Variants in ZNF329 observed in about 807,000 individuals in gnomAD.
ZNF329 encodes the protein zinc finger protein 329.
ZNF329 carries 15 observed loss-of-function variants against 26.6 expected under a neutral mutation model. The observed-to-expected ratio is 0.56, with a 90% CI of 0.38 to 0.87. ZNF329 has a LOEUF of 0.87. ZNF329 is among the 40% of genes least tolerant of loss of function. The pLI is 0.00. For synonymous variants in ZNF329, 239 were observed against 233.5 expected, an observed-to-expected ratio of 1.02 and a Z score of -0.21; for missense variants, 651 against 651.9, an observed-to-expected ratio of 1.00 and a Z score of 0.02.
Position 58,128,744 on chromosome 19 carries a change from T to C in ZNF329, c.760A>G (p.Thr254Ala). 6.2e-7 allele frequency: 1 copy of C among 1,606,228 alleles called. No homozygotes were observed. The highest frequency in any genetic ancestry group is 8.5e-7 in the Non-Finnish European group (1 of 1,176,414). The stretch of plus-strand genomic sequence containing the variant: ...CTGCATTCATAGGGCTTCTCTCCTG[T>C]GTGGATTCTTTGATGCACAATCAGG... ...YNLIVHQRIH[T>A]GEKPYECSKC... The change falls in exon 4 of 4, where the codon ACA (threonine) becomes GCA (alanine). Residue 254 changes from threonine to alanine, a missense_variant. Physicochemically the swap from Thr to Ala is moderately conservative, Grantham distance 58. Coordinates refer to ENST00000598312, the MANE Select transcript of ZNF329 (RefSeq NM_024620.4).
At chr19:58,147,123 C>T (rs1166588308) in intron 1 of ZNF329, among the ~76,000 whole-genome samples, 3 of 150,652 alleles carry the variant, frequency 2.0e-5, no homozygotes, top group Admixed American at 6.6e-5. Flanking sequence ...TCTGCCCGGC[C>T]GCCCATCGTC....
rs1290565176 is a variant in ZNF329, at chr19:58,142,601, T to C, written c.-53A>G. On this transcript the variant is annotated 5_prime_UTR_variant, in exon 3 of 4. Coordinates refer to ENST00000598312, the MANE Select transcript of ZNF329 (RefSeq NM_024620.4). ...CCATTCAGGCCAGGTGTGTGGATAC[T>C]TGACATCGATGGTTGCTGGACATTA... is the stretch of plus-strand genomic sequence containing the variant. 2.6e-5 allele frequency: 4 copies of C among 152,664 alleles called. No individual in the cohort carries two copies. Among genetic ancestry groups the C allele is most frequent in the Admixed American group, 1.3e-4 (2 of 15,272 alleles). 9.5% of individuals were successfully genotyped at this position (152,664 alleles called of 1,614,324 possible).
rs2074841005 is a variant in ZNF329, at chr19:58,128,028, G to T, written c.1476C>A (p.Phe492Leu). 14 of 1,614,008 alleles carry T rather than the reference G, an allele frequency of 8.7e-6. No homozygotes were observed. Among genetic ancestry groups the T allele is most frequent in the South Asian group, 4.4e-5 (4 of 91,078 alleles). Residue 492 changes from phenylalanine to leucine, a missense_variant, in exon 4 of 4, where the codon TTC becomes TTA. Physicochemically the swap from Phe to Leu is conservative, Grantham distance 22. Transcript: ENST00000598312. ...GTACTGCCAGGTGAGAGTTCTGCTT[G>T]AAGGACTTCCCACATTCTGGACACT... ...PYQCPECGKS[F>L]KQNSHLAVHQ...
chr19:58,143,816 C>T (rs953667977), intron 1 of ZNF329, among the ~76,000 whole-genome samples: 5 of 152,052 alleles, frequency 3.3e-5, no homozygotes, highest in South Asian at 2.1e-4. Flanking sequence ...CGCAGTGGCT[C>T]ACACTTATAA....
intron 1 of ZNF329, among the ~76,000 whole-genome samples, chr19:58,148,592 C>T (rs2075379968): frequency 1.3e-5 from 2 of 151,934 alleles, no homozygotes; most frequent in Admixed American, 1.3e-4. Flanking sequence ...GTGGCTCACA[C>T]CTGTAATCCC....
rs1371562923 is a variant in ZNF329, at chr19:58,129,255, C to G, written c.249G>C (p.Gln83His). 1.2e-6 allele frequency: 2 copies of G among 1,614,216 alleles called. No individual in the cohort carries two copies. The highest frequency in any genetic ancestry group is 1.7e-6 in the Non-Finnish European group (2 of 1,180,050). ...GGAAACCATTTGTTGCCAGAACTCT[C>G]TGAGACGGTGGAAGGTCTGAGCTTG... is the stretch of plus-strand genomic sequence containing the variant. The part of the protein sequence containing the change: ...LIASSDLPPS[Q>H]RVLATNGFHA... Residue 83 changes from glutamine to histidine, a missense_variant, in exon 4 of 4, where the codon CAG becomes CAC. Coordinates refer to ENST00000598312, the MANE Select transcript of ZNF329 (RefSeq NM_024620.4).
chr19:58,154,646 C>G (rs1349411215), upstream of ZNF329: 1 of 152,200 alleles, frequency 6.6e-6, no homozygotes, highest in Non-Finnish European at 1.5e-5. Context: ...TCCTTTTTTT[C>G]CTTCTGAGCT....
chr19:58,128,546 A>G lies in ZNF329; in HGVS notation c.958T>C (p.Cys320Arg). 1 of 1,614,136 alleles carries G rather than the reference A, an allele frequency of 6.2e-7. No homozygotes were observed. Among genetic ancestry groups the G allele is most frequent in the Non-Finnish European group, 8.5e-7 (1 of 1,180,008 alleles). ...TGEKPYRCNE[C>R]GKPFTDISHL... ...GAGATGTCAGTGAAGGGTTTCCCAC[A>G]TTCGTTACATCTATATGGTTTTTCC... Residue 320 changes from cysteine to arginine, a missense_variant, in exon 4 of 4, where the codon TGT becomes CGT. Coordinates refer to ENST00000598312, the MANE Select transcript of ZNF329 (RefSeq NM_024620.4).
intron 1 of ZNF329, among the ~76,000 whole-genome samples, chr19:58,147,934 C>T (rs533743919): frequency 6.6e-5 from 10 of 151,902 alleles, no homozygotes; most frequent in South Asian, 2.1e-4. Context: ...ATGACAATGG[C>T]GGTTTTGTGG....
chr19:58,146,254 A>G (rs2146123120), intron 1 of ZNF329, among the ~76,000 whole-genome samples: 1 of 152,200 alleles, frequency 6.6e-6, no homozygotes, highest in South Asian at 2.1e-4. Context: ...TGGGCAGATC[A>G]CTTGAAGTCA....
chr19:58,139,119 C>T (rs931987369), intron 3 of ZNF329, among the ~76,000 whole-genome samples: 7 of 151,924 alleles, frequency 4.6e-5, no homozygotes, highest in African/African-American at 1.5e-4. Flanking sequence ...GCTGTGATTA[C>T]GTCTCTCTTG....
In ZNF329 at chr19:58,127,782, A is replaced by G. The variant is rs1158129747; in HGVS notation, c.*96T>C. ...ATCAATTCACTGGATAGCTTAAAGG[A>G]TTCTTTTCTACTGACCAGAGAGGAG... is the stretch of plus-strand genomic sequence containing the variant. On this transcript the variant is annotated 3_prime_UTR_variant, in exon 4 of 4. Transcript: ENST00000598312. 10 of 1,210,658 alleles carry G rather than the reference A, an allele frequency of 8.3e-6. No individual in the cohort carries two copies. The African/African-American group carries it at 1.4e-4, about 17-fold the overall frequency. 75.0% of individuals were successfully genotyped at this position (1,210,658 alleles called of 1,614,324 possible).
intron 3 of ZNF329, among the ~76,000 whole-genome samples, chr19:58,136,020 C>T (rs2075057416): frequency 6.6e-6 from 1 of 152,032 alleles, no homozygotes; most frequent in South Asian, 2.1e-4. Flanking sequence ...ATCACGAGGT[C>T]AGGAGTTCAA....
intron 3 of ZNF329, chr19:58,132,179 A>G (rs1256467628): frequency 6.6e-6 from 1 of 152,240 alleles, no homozygotes; most frequent in Admixed American, 6.5e-5. Flanking sequence ...ACAATAATAT[A>G]AAGCTTTGGT....
At chr19:58,145,629 T>A (rs1183787325) in intron 1 of ZNF329, among the ~76,000 whole-genome samples, 3 of 152,092 alleles carry the variant, frequency 2.0e-5, no homozygotes, top group Admixed American at 2.0e-4. Flanking sequence ...GCCAAAGAAT[T>A]TCTCAACTCA....
chr19:58,146,880 TG>T (rs2075323079), intron 1 of ZNF329, among the ~76,000 whole-genome samples: 1 of 151,800 alleles, frequency 6.6e-6, no homozygotes. Context: ...TGGAGTGCAG[TG>T]GCGTGATCTT....
chr19:58,144,681 G>A (rs1006778561), intron 1 of ZNF329, among the ~76,000 whole-genome samples: 6 of 148,162 alleles, frequency 4.0e-5, no homozygotes, highest in African/African-American at 9.9e-5. Context: ...GAGCCATGGC[G>A]CCCAGCCAAG....
chr19:58,139,265 T>C (rs2075135106), intron 3 of ZNF329, among the ~76,000 whole-genome samples: 1 of 151,962 alleles, frequency 6.6e-6, no homozygotes, highest in Middle Eastern at 3.2e-3. Context: ...GGAGAAAATA[T>C]TTATATTATG....
intron 1 of ZNF329, among the ~76,000 whole-genome samples, chr19:58,144,157 T>A (rs1267688356): frequency 6.6e-6 from 1 of 151,918 alleles, no homozygotes; most frequent in Admixed American, 6.6e-5. Flanking sequence ...AATTGTGGGT[T>A]TTTTTGTTGT....
Sources: allele counts gnomAD v4.1 joint callset (sites outside exome capture counted in the v4.1 genomes callset), GRCh38; gene constraint gnomAD v4.1.1; transcripts MANE v1.5; gene names NCBI Gene and HGNC (gene_info 2026-07-23, HGNC 2026-07-21).